Variants in FILIP1 observed in about 807,000 individuals in gnomAD.
FILIP1 encodes filamin A interacting protein 1.
A neutral mutation model predicts 102.1 loss-of-function variants in FILIP1; 61 were observed. The ratio of observed to expected loss-of-function variants is 0.60; its 90% CI spans 0.49 to 0.74. The LOEUF (loss-of-function observed/expected upper bound fraction) is 0.74, where lower values mean the gene tolerates loss of function less well. Among genes scored for constraint, FILIP1 ranks in the 30% least tolerant of loss-of-function variants. FILIP1 has a pLI of 0.00. For missense variants in FILIP1, 1,314 were observed against 1,441.2 expected (o/e 0.91, Z 1.43); for synonymous variants, 491 against 526.9 (o/e 0.93, Z 0.93).
intron 4 of FILIP1, among the ~76,000 whole-genome samples, chr6:75,317,101 GT>G (rs1462741731): frequency 6.6e-6 from 1 of 152,184 alleles, no homozygotes; most frequent in African/African-American, 2.4e-5. Flanking sequence ...TACAACATAG[GT>G]TTTGGAGTCA....
At chr6:75,300,555 T>G (rs1772811557) in intron 6 of FILIP1, among the ~76,000 whole-genome samples, 1 of 152,258 alleles carries the variant, frequency 6.6e-6, no homozygotes, top group South Asian at 2.1e-4. Context: ...TTTCTCATTT[T>G]CCTAAACTGC....
At chr6:75,304,032 T>A (rs1164325411), downstream of FILIP1, among the ~76,000 whole-genome samples, 1 of 152,080 alleles carries the variant, frequency 6.6e-6, no homozygotes, top group Non-Finnish European at 1.5e-5. Context: ...GAAAAATTAC[T>A]GATAGGTGTT....
rs1031387301 is a variant in FILIP1, at chr6:75,313,703, A to G, written c.2129T>C (p.Phe710Ser). The change falls in exon 5 of 6, where the codon TTT becomes TCT. Residue 710 changes from phenylalanine to serine, a missense_variant. Physicochemically the swap from Phe to Ser is radical, Grantham distance 155. This residue lies in a region of FILIP1 where 816 missense variants were observed against 913.1 expected (regional missense o/e 0.89). Transcript: ENST00000237172. The surrounding 1 kb of genome is among the most constrained non-coding windows in gnomAD (Gnocchi z 4.2). ...TCGACTTTTAGCTTCTTCCAACCGA[A>G]ATCTGTGTCTCAGTTCAGCTTCCTG... ...VSQEAELRHR[F>S]RLEEAKSRDL... 1.0e-5 allele frequency: 16 copies of G among 1,562,400 alleles called. No homozygotes were observed. Among genetic ancestry groups the G allele is most frequent in the Middle Eastern group, 1.7e-4 (1 of 5,794 alleles).
At chr6:75,437,581 G>A (rs1778068032) in intron 1 of FILIP1, among the ~76,000 whole-genome samples, 1 of 152,120 alleles carries the variant, frequency 6.6e-6, no homozygotes, top group Non-Finnish European at 1.5e-5. Flanking sequence ...TCACTATGAG[G>A]TAACTGCCAC....
intron 2 of FILIP1, among the ~76,000 whole-genome samples, chr6:75,413,895 T>C (rs1047412141): frequency 4.0e-5 from 6 of 148,570 alleles, no homozygotes; most frequent in African/African-American, 7.5e-5. Flanking sequence ...CCTAGAAACA[T>C]AGATTTAATG....
chr6:75,475,341 C>T (rs1582561765), intron 1 of FILIP1, among the ~76,000 whole-genome samples: 1 of 152,066 alleles, frequency 6.6e-6, no homozygotes, highest in South Asian at 2.1e-4. Flanking sequence ...ATTTATTTCC[C>T]GATAATCCTG....
chr6:75,362,775 C>A lies in FILIP1; in HGVS notation c.419G>T (p.Gly140Val). Reference sequence around the variant, plus strand: ...AATCGGTTTCTCATAGACATCTTCTCCTATGGATTTCTCCTGGGCAAGAAT... The same window carrying A: ...AATCGGTTTCTCATAGACATCTTCTACTATGGATTTCTCCTGGGCAAGAAT... ...DAILAQEKSI[G>V]EDVYEKPISE... Residue 140 changes from glycine to valine, a missense_variant, in exon 3 of 6, where the codon GGA becomes GTA. Gly to Val is a moderately radical substitution (Grantham distance 109). Coordinates refer to ENST00000237172, the MANE Select transcript of FILIP1 (RefSeq NM_015687.5). The A allele has an allele frequency of 1.9e-6, 3 of 1,613,678 alleles. No homozygotes were observed. Among genetic ancestry groups the A allele is most frequent in the Non-Finnish European group, 2.5e-6 (3 of 1,179,976 alleles).
At chr6:75,477,784 A>G (rs1305314196) in intron 1 of FILIP1, among the ~76,000 whole-genome samples, 1 of 152,152 alleles carries the variant, frequency 6.6e-6, no homozygotes, top group Non-Finnish European at 1.5e-5. Flanking sequence ...AACAATTCCC[A>G]CAAGTCACAG....
intron 2 of FILIP1, among the ~76,000 whole-genome samples, chr6:75,368,384 G>A (rs1453484718): frequency 3.3e-5 from 5 of 152,126 alleles, no homozygotes; most frequent in African/African-American, 7.2e-5. Flanking sequence ...AAAGAGGGCC[G>A]AATCCAATCA....
chr6:75,391,990 A>G (rs890693383), intron 2 of FILIP1, among the ~76,000 whole-genome samples: 9 of 151,768 alleles, frequency 5.9e-5, no homozygotes, highest in African/African-American at 1.9e-4. Context: ...TCAATGGTCA[A>G]CTCTCACTCC....
chr6:75,317,799 C>T (rs991042586), intron 4 of FILIP1, among the ~76,000 whole-genome samples: 1 of 152,192 alleles, frequency 6.6e-6, no homozygotes, highest in African/African-American at 2.4e-5. Context: ...AAATACCAGG[C>T]TCATTCTCTG....
intron 1 of FILIP1, among the ~76,000 whole-genome samples, chr6:75,435,700 A>C (rs2149713334): frequency 6.6e-6 from 1 of 152,294 alleles, no homozygotes; most frequent in South Asian, 2.1e-4. Flanking sequence ...CTACCAAGAG[A>C]CACTCTTACA....
intron 2 of FILIP1, among the ~76,000 whole-genome samples, chr6:75,412,368 A>G (rs1265349951): frequency 6.6e-6 from 1 of 152,154 alleles, no homozygotes; most frequent in Non-Finnish European, 1.5e-5. Flanking sequence ...GCACACAGAG[A>G]TAATTTGACT....
intron 1 of FILIP1, among the ~76,000 whole-genome samples, chr6:75,486,465 C>A (rs1461300517): frequency 6.6e-6 from 1 of 152,134 alleles, no homozygotes; most frequent in Non-Finnish European, 1.5e-5. Context: ...TTATTCTTTG[C>A]ACTTTGTGAA....
At chr6:75,439,227 G>C (rs895501634) in intron 1 of FILIP1, among the ~76,000 whole-genome samples, 3 of 152,176 alleles carry the variant, frequency 2.0e-5, no homozygotes, top group African/African-American at 4.8e-5. Flanking sequence ...TTAGCCACGT[G>C]TGGTGGCATG....
chr6:75,471,159 CAAA>C (rs67671264), intron 1 of FILIP1, among the ~76,000 whole-genome samples: 55 of 72,262 alleles, frequency 7.6e-4, no homozygotes, highest in African/African-American at 2.5e-3. Context: ...GACCTTGTCT[CAAA>C]AAAAAAAAAA....
chr6:75,315,300 C>T (rs575611903), intron 4 of FILIP1, 98 bp from the exon 5 acceptor site: 1 of 709,522 alleles, frequency 1.4e-6, no homozygotes, highest in Admixed American at 3.7e-5. Context: ...ACAATAAATC[C>T]CTTATCAATT....
chr6:75,389,535 T>C (rs1776212853), intron 2 of FILIP1, among the ~76,000 whole-genome samples: 1 of 152,212 alleles, frequency 6.6e-6, no homozygotes. Context: ...TATTAATTAC[T>C]GCCTCAATTT....
At chr6:75,457,156 C>A (rs1420006937) in intron 1 of FILIP1, among the ~76,000 whole-genome samples, 1 of 152,126 alleles carries the variant, frequency 6.6e-6, no homozygotes, top group Non-Finnish European at 1.5e-5. Flanking sequence ...AGTCTTCAAG[C>A]CCCATGCTAT....
Sources: allele counts gnomAD v4.1 joint callset (sites outside exome capture counted in the v4.1 genomes callset), GRCh38; gene constraint gnomAD v4.1.1; regional missense constraint gnomAD v4.1.1; non-coding constraint Gnocchi (gnomAD v3.1); transcripts MANE v1.5; gene names NCBI Gene and HGNC (gene_info 2026-07-23, HGNC 2026-07-21).